SUV39H2: variants seen among roughly 807,000 people sequenced by gnomAD.
The protein encoded by SUV39H2 is histone-lysine N-methyltransferase SUV39H2.
A neutral mutation model predicts 47.5 loss-of-function variants in SUV39H2; 10 were observed. The ratio of observed to expected loss-of-function variants is 0.21; its 90% CI spans 0.13 to 0.36. The LOEUF is 0.36. SUV39H2 is among the 10% of genes least tolerant of loss of function. The pLI, the probability that SUV39H2 is intolerant of heterozygous loss-of-function variation, is 1.00. For synonymous variants in SUV39H2, 159 were observed against 166.8 expected (o/e 0.95, Z 0.36); for missense variants, 266 against 487.4 (o/e 0.55, Z 4.28).
intron 2 of SUV39H2, among the ~76,000 whole-genome samples, chr10:14,893,703 A>G (rs1319948630): frequency 6.6e-6 from 1 of 152,222 alleles, no homozygotes; most frequent in Non-Finnish European, 1.5e-5. Flanking sequence ...TAATATTTCT[A>G]TGCTAGTCTG....
chr10:14,900,788 TA>T (rs1221165386), intron 4 of SUV39H2, among the ~76,000 whole-genome samples: 1 of 152,180 alleles, frequency 6.6e-6, no homozygotes, highest in African/African-American at 2.4e-5. Flanking sequence ...CTGAAATAGT[TA>T]CCAGTGAAAT....
At chr10:14,893,225 G>C (rs900217283) in intron 2 of SUV39H2, among the ~76,000 whole-genome samples, 2 of 151,238 alleles carry the variant, frequency 1.3e-5, no homozygotes, top group Non-Finnish European at 1.5e-5. Flanking sequence ...GGATGGTCTC[G>C]ATCTCCTGAC....
intron 2 of SUV39H2, among the ~76,000 whole-genome samples, chr10:14,885,444 G>A (rs1833176883): frequency 6.6e-6 from 1 of 152,038 alleles, no homozygotes; most frequent in Non-Finnish European, 1.5e-5. Flanking sequence ...GTCCTTTCCT[G>A]TTCATTCCTG....
intron 4 of SUV39H2, 56 bp from the exon 5 acceptor site, chr10:14,901,077 T>C: frequency 6.3e-7 from 1 of 1,588,538 alleles, no homozygotes; most frequent in Non-Finnish European, 8.6e-7. Flanking sequence ...ATATGGCATG[T>C]AGAAGGGCTT....
chr10:14,893,834 A>G (rs904456800), intron 2 of SUV39H2, among the ~76,000 whole-genome samples: 2 of 152,238 alleles, frequency 1.3e-5, no homozygotes, highest in African/African-American at 2.4e-5. Context: ...ATTAAATACA[A>G]TTAATTATTT....
chr10:14,882,541 C>T (rs913786075), intron 2 of SUV39H2, among the ~76,000 whole-genome samples: 6 of 152,208 alleles, frequency 3.9e-5, no homozygotes, highest in African/African-American at 1.4e-4. Flanking sequence ...CTGACCAGTC[C>T]AGCTGAGAAT....
intron 1 of SUV39H2, among the ~76,000 whole-genome samples, chr10:14,879,611 G>C (rs998743957): frequency 1.3e-5 from 2 of 152,074 alleles, no homozygotes; most frequent in Admixed American, 6.5e-5. Flanking sequence ...ACTGGGCACC[G>C]AGCGCGCGTG....
chr10:14,890,821 C>T (rs1352635667), intron 2 of SUV39H2, among the ~76,000 whole-genome samples: 1 of 152,212 alleles, frequency 6.6e-6, no homozygotes, highest in Admixed American at 6.5e-5. Context: ...TGGCTATAGA[C>T]AGCAGGTGAC....
intron 2 of SUV39H2, among the ~76,000 whole-genome samples, chr10:14,887,896 G>A (rs60236954): frequency 0.088 from 13,381 of 152,234 alleles, 677 homozygotes; most frequent in South Asian, 0.21. Context: ...AGTACTAAAG[G>A]AAGAAAGGGA....
intron 4 of SUV39H2, among the ~76,000 whole-genome samples, chr10:14,900,835 A>T (rs1384401723): frequency 6.6e-6 from 1 of 152,118 alleles, no homozygotes; most frequent in Non-Finnish European, 1.5e-5. Flanking sequence ...GAAATTCTCC[A>T]GGAAAAAAAA....
Position 14,902,670 on chromosome 10 carries a change from G to GA in SUV39H2, c.*162dup, listed in dbSNP as rs1259844410. 16 of 528,272 alleles carry GA rather than the reference G, an allele frequency of 3.0e-5. No individual in the cohort carries two copies. The allele number at this position is 528,272 out of a possible 1,614,324, so 32.7% of individuals were successfully genotyped here. ...TGCCAAATGTATTACCGATGCCTCTGAAAAGGGGGTCACTGGGTCTCATAG... is the reference window on the plus strand; with the variant it reads ...TGCCAAATGTATTACCGATGCCTCTGAAAAAGGGGGTCACTGGGTCTCATAG... On this transcript the variant is annotated 3_prime_UTR_variant, in exon 6 of 6. Transcript: ENST00000354919.
Position 14,897,169 on chromosome 10 carries a change from A to G in SUV39H2, c.501A>G (p.Ser167=), listed in dbSNP as rs753093127. ...ENTVDLEGPP[S]DFYYINEYKP... The stretch of plus-strand genomic sequence containing the variant: ...CTGTTGATTTAGAGGGCCCACCTTC[A>G]GACTTCTATTACATTAACGAATACA... The change falls in exon 3 of 6, where the codon TCA becomes TCG. Residue 167 remains serine, a synonymous_variant. Transcript: ENST00000354919. 1.2e-5 allele frequency: 20 copies of G among 1,613,700 alleles called. No individual in the cohort carries two copies. The East Asian group carries it at 4.5e-4, about 36-fold the overall frequency.
At chr10:14,881,424 G>C (rs1833037290) in intron 1 of SUV39H2, 76 bp from the exon 2 acceptor site, 10 of 1,224,880 alleles carry the variant, frequency 8.2e-6, no homozygotes, top group Middle Eastern at 6.0e-4. Context: ...ATGGGGAATA[G>C]AGGTTTTAAG....
intron 2 of SUV39H2, among the ~76,000 whole-genome samples, chr10:14,887,074 G>C (rs975912650): frequency 6.6e-6 from 1 of 152,196 alleles, no homozygotes; most frequent in African/African-American, 2.4e-5. Context: ...GTTTGTAATT[G>C]AGAGAATTTT....
intron 1 of SUV39H2, 187 bp downstream of exon 1, chr10:14,879,106 C>T (rs1183971358): frequency 7.9e-7 from 1 of 1,268,132 alleles, no homozygotes; most frequent in Non-Finnish European, 9.9e-7. Context: ...GCCTCCCTGC[C>T]CGGCCGGCTC....
At position 14,881,020 on chromosome 10, in the gene SUV39H2, G is replaced by C. The variant is rs113027507; in HGVS notation, c.32-480G>C. 7.2e-3 allele frequency among the ~76,000 whole-genome samples: 1,102 copies of C among 152,162 alleles called. 17 individuals are homozygous for C. Among genetic ancestry groups the C allele is most frequent in the African/African-American group, 0.025 (1,031 of 41,518 alleles). On this transcript the variant is annotated intron_variant, in intron 1 of 5. Coordinates refer to ENST00000354919, the MANE Select transcript of SUV39H2 (RefSeq NM_001193424.2). ...TTTTAATTAGATTTCAGTTCGTTTT[G>C]TCCAGTTAAAAAAAATGAAAGTTAC... is the stretch of plus-strand genomic sequence containing the variant.
At chr10:14,882,411 G>T (rs1833064938) in intron 2 of SUV39H2, among the ~76,000 whole-genome samples, 1 of 152,020 alleles carries the variant, frequency 6.6e-6, no homozygotes, top group Non-Finnish European at 1.5e-5. Flanking sequence ...AAGTTCTTTA[G>T]TATCACTGCC....
chr10:14,887,472 G>C (rs17156024), intron 2 of SUV39H2, among the ~76,000 whole-genome samples: 24,577 of 152,118 alleles, frequency 0.16, 3,370 homozygotes, highest in East Asian at 0.37. Flanking sequence ...CAACTTTCTT[G>C]AGTACTTTCA....
rs1353809164 is a variant in SUV39H2 at position 14,903,059 on chromosome 10, T to C, written c.*547T>C. The C allele has an allele frequency of 6.6e-6, 1 of 152,266 alleles. No homozygotes were observed. The highest frequency in any genetic ancestry group is 1.5e-5 in the Non-Finnish European group (1 of 68,074). The allele number at this position is 152,266 out of a possible 1,614,324, so 9.4% of individuals were successfully genotyped here. A position where few individuals can be genotyped will look rare whatever the true frequency, so the allele number is the denominator to read the frequency against. On this transcript the variant is annotated 3_prime_UTR_variant, in exon 6 of 6. Transcript: ENST00000354919. Reference sequence around the variant, plus strand: ...CATTGGCACCTCAATGATAAAGAAATTTAAGGTATAAAATTAAATGTAAAA... The same window carrying C: ...CATTGGCACCTCAATGATAAAGAAACTTAAGGTATAAAATTAAATGTAAAA...
Sources: gnomAD v4.1 joint callset for allele counts (sites outside exome capture counted in the v4.1 genomes callset) on GRCh38, gnomAD v4.1.1 for gene constraint, MANE v1.5 for transcripts, NCBI Gene and HGNC (gene_info 2026-07-23, HGNC 2026-07-21) for gene names.